Variants in GSG1L observed in about 807,000 individuals in gnomAD.
GSG1L encodes GSG1 like.
Under a neutral mutation model 42.1 loss-of-function variants are expected in GSG1L, and 24 were observed. That is an observed-to-expected ratio of 0.57 (90% confidence interval 0.41 to 0.80). GSG1L has a LOEUF of 0.80. Among genes scored for constraint, GSG1L ranks in the 30% least tolerant of loss-of-function variants. The pLI is 0.00. For synonymous variants in GSG1L, 215 were observed against 203.5 expected, an observed-to-expected ratio of 1.06 and a Z score of -0.48; for missense variants, 445 against 472.2, an observed-to-expected ratio of 0.94 and a Z score of 0.53.
chr16:27,847,513 T>C (rs907455378), intron 3 of GSG1L, among the ~76,000 whole-genome samples: 2 of 152,152 alleles, frequency 1.3e-5, no homozygotes, highest in African/African-American at 4.8e-5. Flanking sequence ...AGAGACAATG[T>C]CAAGTGCATC....
At chr16:27,857,048 C>T (rs2083587826) in intron 3 of GSG1L, among the ~76,000 whole-genome samples, 1 of 152,158 alleles carries the variant, frequency 6.6e-6, no homozygotes. Context: ...AAGGGGTTGG[C>T]TCAACTTTGG....
At chr16:27,935,404 G>T (rs1178823851) in intron 2 of GSG1L, among the ~76,000 whole-genome samples, 1 of 152,136 alleles carries the variant, frequency 6.6e-6, no homozygotes, top group East Asian at 1.9e-4. Context: ...ATGATGCAGG[G>T]TCTGACTTGG....
chr16:27,855,048 C>A (rs928862659), intron 3 of GSG1L, among the ~76,000 whole-genome samples: 25 of 152,066 alleles, frequency 1.6e-4, no homozygotes, highest in African/African-American at 5.6e-4. Flanking sequence ...GGTGACAGAG[C>A]AAGACCTCGA....
intron 2 of GSG1L, among the ~76,000 whole-genome samples, chr16:27,915,238 CA>C (rs1196235271): frequency 4.0e-5 from 6 of 148,164 alleles, no homozygotes; most frequent in Non-Finnish European, 5.9e-5. Flanking sequence ...CACACACACA[CA>C]CCCTGTTGGT....
chr16:27,954,450 C>T (rs2072131196), intron 2 of GSG1L, among the ~76,000 whole-genome samples: 1 of 152,126 alleles, frequency 6.6e-6, no homozygotes, highest in Admixed American at 6.6e-5. Context: ...AGCTGAGCTC[C>T]ATACTGAAAA....
chr16:27,877,201 G>A (rs2083899122), intron 3 of GSG1L, among the ~76,000 whole-genome samples: 3 of 152,114 alleles, frequency 2.0e-5, no homozygotes, highest in Admixed American at 2.0e-4. Context: ...CTTGGGGGGA[G>A]TGGAGACATG....
At chr16:28,062,974 A>C in intron 1 of GSG1L, 102 bp downstream of exon 1, 1 of 1,206,108 alleles carries the variant, frequency 8.3e-7, no homozygotes, top group Non-Finnish European at 1.0e-6. Flanking sequence ...AGCTGGGCCC[A>C]GGCGGCGGGA....
At chr16:27,966,507 CAAACAA>C (rs931202452) in intron 1 of GSG1L, among the ~76,000 whole-genome samples, 5 of 140,336 alleles carry the variant, frequency 3.6e-5, no homozygotes, top group Non-Finnish European at 6.2e-5. Flanking sequence ...AGGAAACAAA[CAAACAA>C]TATTGAAGGA....
intron 6 of GSG1L, among the ~76,000 whole-genome samples, chr16:27,802,175 C>T (rs1406899385): frequency 1.3e-5 from 2 of 152,138 alleles, no homozygotes; most frequent in African/African-American, 4.8e-5. Flanking sequence ...TGGCTTGGGT[C>T]TGTCTCCCCA....
intron 5 of GSG1L, among the ~76,000 whole-genome samples, chr16:27,815,006 T>C (rs1037454978): frequency 1.3e-5 from 2 of 152,120 alleles, no homozygotes; most frequent in South Asian, 4.2e-4. Context: ...CATAGATCAC[T>C]GCAGCCTCCA....
At position 27,957,961 on chromosome 16, in the gene GSG1L, G is replaced by A. The variant is rs542937753; in HGVS notation, c.397+5195C>T. On this transcript the variant is annotated intron_variant, in intron 2 of 6. Transcript: ENST00000447459. ...AACAAGCTCCAGTGTGAACTAATAC[G>A]GTGAGAATTCACGCATTACCAAGGG... is the stretch of plus-strand genomic sequence containing the variant. Among the ~76,000 whole-genome samples, 13 of 152,206 alleles carry A rather than the reference G, an allele frequency of 8.5e-5. No homozygotes were observed. The East Asian group carries it at 1.9e-3, about 23-fold the overall frequency.
chr16:27,919,422 C>T (rs1196133957), intron 2 of GSG1L, among the ~76,000 whole-genome samples: 1 of 152,178 alleles, frequency 6.6e-6, no homozygotes, highest in Non-Finnish European at 1.5e-5. Context: ...CTTTCTGTTC[C>T]TCAAAACATG....
At chr16:28,011,590 G>A (rs940428170) in intron 1 of GSG1L, among the ~76,000 whole-genome samples, 2 of 152,188 alleles carry the variant, frequency 1.3e-5, no homozygotes. Flanking sequence ...CCTGGTTTTT[G>A]GGTGGAATCA....
intron 1 of GSG1L, among the ~76,000 whole-genome samples, chr16:28,010,804 C>T (rs547253372): frequency 3.3e-5 from 5 of 152,274 alleles, no homozygotes; most frequent in South Asian, 2.1e-4. Context: ...GAGTGGGGAG[C>T]GTGTCATCTA....
At chr16:28,027,821 G>A (rs2085916648) in intron 1 of GSG1L, among the ~76,000 whole-genome samples, 1 of 152,102 alleles carries the variant, frequency 6.6e-6, no homozygotes, top group African/African-American at 2.4e-5. Context: ...AGGAGTTCAA[G>A]ACCAGCCTGA....
At chr16:27,803,790 T>TAG (rs71140912) in intron 6 of GSG1L, among the ~76,000 whole-genome samples, 1,411 of 109,884 alleles carry the variant, frequency 0.013, 15 homozygotes, top group African/African-American at 0.023. Flanking sequence ...TATATATATA[T>TAG]ATATAGATAG....
At chr16:27,935,671 C>G (rs1429674475) in intron 2 of GSG1L, among the ~76,000 whole-genome samples, 1 of 151,698 alleles carries the variant, frequency 6.6e-6, no homozygotes, top group African/African-American at 2.4e-5. Flanking sequence ...AAGTGGCTTC[C>G]AAGAGGTAGC....
chr16:27,843,578 A>G (rs1469363166), intron 4 of GSG1L, among the ~76,000 whole-genome samples: 1 of 151,966 alleles, frequency 6.6e-6, no homozygotes, highest in Non-Finnish European at 1.5e-5. Flanking sequence ...ATTTGGGGAA[A>G]AGCTGTTTGA....
At position 27,791,375 on chromosome 16, in the gene GSG1L, C is replaced by T. The variant is rs750901225; in HGVS notation, c.991G>A (p.Val331Met). Residue 331 changes from valine (V) to methionine (M), a missense_variant, in exon 7 of 7, where the codon GTG becomes ATG. Physicochemically the swap from Val to Met is conservative, Grantham distance 21 (BLOSUM62 1). This residue lies in a region of GSG1L where 140 missense variants were observed against 120.6 expected (regional missense o/e 1.16). Coordinates refer to ENST00000447459, the MANE Select transcript of GSG1L (RefSeq NM_001109763.2). ...NRQCWVLGHWV is the reference protein window; with the variant it reads ...NRQCWVLGHWM ...GGGCCAGGTTGAGGTCTTGGTCACA[C>T]CCAGTGCCCCAAGACCCAGCACTGT... The T allele has an allele frequency of 5.6e-6, 8 of 1,433,048 alleles. No individual in the cohort carries two copies. Among genetic ancestry groups the T allele is most frequent in the Non-Finnish European group, 7.4e-6 (8 of 1,084,072 alleles). 88.8% of individuals were successfully genotyped at this position (1,433,048 alleles called of 1,614,324 possible).
Sources: gnomAD v4.1 joint callset for allele counts (sites outside exome capture counted in the v4.1 genomes callset) on GRCh38, gnomAD v4.1.1 for gene constraint, gnomAD v4.1.1 regional missense constraint, MANE v1.5 for transcripts, NCBI Gene and HGNC (gene_info 2026-07-23, HGNC 2026-07-21) for gene names.